The following EML1 variants were observed in gnomAD, a reference collection of about 807,000 sequenced individuals.
The protein encoded by EML1 is EMAP like 1.
Under a neutral mutation model 110.4 loss-of-function variants are expected in EML1, and 27 were observed. The ratio of observed to expected loss-of-function variants is 0.24; its 90% CI spans 0.18 to 0.34. EML1 has a LOEUF of 0.34. Ranked by LOEUF, EML1 falls within the 10% of genes least tolerant of loss-of-function variation. EML1 has a pLI of 1.00. For synonymous variants in EML1, 344 were observed against 385.8 expected (o/e 0.89, Z 1.27); for missense variants, 741 against 1,030.9 (o/e 0.72, Z 3.85).
Position 99,940,950 on chromosome 14 carries a change from T to C in EML1, c.*838T>C, listed in dbSNP as rs1418697658. The C allele has an allele frequency of 6.6e-6, 1 of 152,246 alleles. No homozygotes were observed. Among genetic ancestry groups the C allele is most frequent in the Non-Finnish European group, 1.5e-5 (1 of 68,048 alleles). 9.4% of individuals were successfully genotyped at this position (152,246 alleles called of 1,614,324 possible). On this transcript the variant is annotated 3_prime_UTR_variant, in exon 22 of 22. Transcript: ENST00000262233. ...GGATTCTAGCAATTCATAATAAATA[T>C]GTAAGACTAGGCTTTACTGTCTTAT...
chr14:99,788,896 G>GT (rs1374537567), upstream of EML1, among the ~76,000 whole-genome samples: 1 of 152,178 alleles, frequency 6.6e-6, no homozygotes, highest in Non-Finnish European at 1.5e-5. Context: ...GGCACTTCGT[G>GT]TAAGTGGAGT....
intron 3 of EML1, 48 bp downstream of exon 3, chr14:99,865,694 T>C: frequency 6.3e-7 from 1 of 1,591,808 alleles, no homozygotes; most frequent in Non-Finnish European, 8.5e-7. Flanking sequence ...CAGTTCTCTC[T>C]TAGATTCCAA....
chr14:99,909,963 G>T (rs565484148), intron 11 of EML1, among the ~76,000 whole-genome samples: 40 of 152,154 alleles, frequency 2.6e-4, no homozygotes, highest in African/African-American at 9.6e-4. Context: ...CCTTCTCCCC[G>T]GTCAGTACCC....
intron 9 of EML1, chr14:99,907,035 G>A (rs1483831817): frequency 1.3e-5 from 2 of 152,486 alleles, no homozygotes; most frequent in Non-Finnish European, 2.9e-5. Context: ...GTCTGCTCTA[G>A]GAGGGGCTCT....
At chr14:99,812,763 G>A (rs1308941972) in intron 1 of EML1, among the ~76,000 whole-genome samples, 2 of 152,290 alleles carry the variant, frequency 1.3e-5, no homozygotes, top group East Asian at 3.9e-4. Context: ...GCTCAGAATT[G>A]TTTGTTTGGA....
intron 1 of EML1, among the ~76,000 whole-genome samples, chr14:99,844,988 G>C (rs1050708475): frequency 3.3e-5 from 5 of 152,142 alleles, no homozygotes; most frequent in South Asian, 2.1e-4. Context: ...AAACATTGGC[G>C]TATCGGTTTT....
intron 1 of EML1, among the ~76,000 whole-genome samples, chr14:99,800,025 A>G (rs572568404): frequency 7.2e-5 from 11 of 152,346 alleles, no homozygotes; most frequent in African/African-American, 2.4e-4. Context: ...TATCAAGCTC[A>G]TTAATAGAGG....
Position 99,897,179 on chromosome 14 carries a change from C to A in EML1, c.712C>A (p.Leu238Met). Residue 238 changes from leucine (L) to methionine (M), a missense_variant, in exon 7 of 22, where the codon CTG (leucine) becomes ATG (methionine). Leu to Met is a conservative substitution (Grantham distance 15). This residue lies in a region of EML1 where 13 missense variants were observed against 47.2 expected (regional missense o/e 0.28). Coordinates refer to ENST00000262233, the MANE Select transcript of EML1 (RefSeq NM_004434.3). ...GYRGRDCRNN[L>M]YLLPTGETVY... ...CAGGGGTCGAGACTGCCGTAACAAC[C>A]TGTACTTGCTTCCGACGGGAGAGAC... The A allele has an allele frequency of 2.5e-6, 4 of 1,612,554 alleles. No homozygotes were observed. Among genetic ancestry groups the A allele is most frequent in the Non-Finnish European group, 3.4e-6 (4 of 1,179,314 alleles).
intron 1 of EML1, among the ~76,000 whole-genome samples, chr14:99,756,147 T>C (rs1187299485): frequency 1.3e-5 from 2 of 152,260 alleles, no homozygotes; most frequent in East Asian, 3.9e-4. Flanking sequence ...AGAAGCCAGC[T>C]CTCCAAGGTC....
intron 4 of EML1, among the ~76,000 whole-genome samples, chr14:99,879,305 A>G (rs1566913803): frequency 6.6e-6 from 1 of 152,184 alleles, no homozygotes; most frequent in Non-Finnish European, 1.5e-5. Context: ...CTTTGTAAAG[A>G]AAATCCAGTT....
At chr14:99,828,014 G>C (rs565561924) in intron 1 of EML1, among the ~76,000 whole-genome samples, 2 of 152,278 alleles carry the variant, frequency 1.3e-5, no homozygotes, top group Admixed American at 1.3e-4. Context: ...TCTAGGTCTT[G>C]ATCTCAGGTC....
intron 1 of EML1, among the ~76,000 whole-genome samples, chr14:99,840,472 T>C (rs1433560362): frequency 6.6e-6 from 1 of 152,174 alleles, no homozygotes; most frequent in Non-Finnish European, 1.5e-5. Context: ...GGCATGAGGG[T>C]GGCACCTCTG....
intron 16 of EML1, 112 bp downstream of exon 16, chr14:99,917,961 C>G (rs1410893117): frequency 1.2e-5 from 12 of 995,016 alleles, no homozygotes; most frequent in Non-Finnish European, 1.8e-5. Flanking sequence ...ATGTTCGAAG[C>G]TTCTAATGAC....
Position 99,793,453 on chromosome 14 carries a change from C to G in EML1, c.-24C>G. 1 of 1,042,956 alleles carries G rather than the reference C, an allele frequency of 9.6e-7. No homozygotes were observed. The allele number at this position is 1,042,956 out of a possible 1,614,324, so 64.6% of individuals were successfully genotyped here. A position where few individuals can be genotyped will look rare whatever the true frequency, so the allele number is the denominator to read the frequency against. ...GCGGCGGCGCGGCCGGGCCGGGGAG[C>G]GGGCGCGGCCCGGCGGCCTCAGCAT... On this transcript the variant is annotated 5_prime_UTR_variant, in exon 1 of 22. Coordinates refer to ENST00000262233, the MANE Select transcript of EML1 (RefSeq NM_004434.3).
chr14:99,897,155 A>C lies in EML1; in HGVS notation c.688A>C (p.Arg230=), dbSNP rs778702524. 6.2e-7 allele frequency: 1 copy of C among 1,603,908 alleles called. No individual in the cohort carries two copies. Among genetic ancestry groups the C allele is most frequent in the Admixed American group, 1.7e-5 (1 of 58,014 alleles). Residue 230 remains arginine (R), a synonymous_variant, in exon 7 of 22, where the codon AGG becomes CGG. Coordinates refer to ENST00000262233, the MANE Select transcript of EML1 (RefSeq NM_004434.3). ...RLKLEWVYGY[R]GRDCRNNLYL... ...TTGACATCCACAAAGCTATGGGTAC[A>C]GGGGTCGAGACTGCCGTAACAACCT...
At chr14:99,871,751 C>T (rs1005488213) in intron 3 of EML1, among the ~76,000 whole-genome samples, 2 of 152,070 alleles carry the variant, frequency 1.3e-5, no homozygotes, top group Non-Finnish European at 2.9e-5. Flanking sequence ...CTTTAATGGG[C>T]GAGGAATTAC....
intron 3 of EML1, chr14:99,875,016 C>T (rs755065666): frequency 6.2e-7 from 1 of 1,607,096 alleles, no homozygotes; most frequent in South Asian, 1.1e-5. Context: ...TACTTTGTCA[C>T]CATAGCTGTT....
chr14:99,859,533 G>C (rs1044849855), intron 2 of EML1, among the ~76,000 whole-genome samples: 3 of 152,158 alleles, frequency 2.0e-5, no homozygotes, highest in African/African-American at 7.2e-5. Flanking sequence ...TTCCTTTATG[G>C]GTAAGGAAAA....
chr14:99,753,142 G>T (rs973724852), intron 1 of EML1, among the ~76,000 whole-genome samples: 20 of 150,676 alleles, frequency 1.3e-4, no homozygotes, highest in Non-Finnish European at 2.2e-4. Flanking sequence ...TGAGGTTGAT[G>T]CCTCATCCCG....
Sources: gnomAD v4.1 joint callset for allele counts (sites outside exome capture counted in the v4.1 genomes callset) on GRCh38, gnomAD v4.1.1 for gene constraint, gnomAD v4.1.1 regional missense constraint, MANE v1.5 for transcripts, NCBI Gene and HGNC (gene_info 2026-07-23, HGNC 2026-07-21) for gene names.